The following TBC1D19 variants were observed in gnomAD, a reference collection of about 807,000 sequenced individuals.
TBC1D19 encodes TBC1 domain family, member 19.
Under a neutral mutation model 89.0 loss-of-function variants are expected in TBC1D19, and 60 were observed. The observed-to-expected ratio is 0.67, with a 90% CI of 0.55 to 0.84. The LOEUF (loss-of-function observed/expected upper bound fraction) is 0.84, where lower values mean the gene tolerates loss of function less well. Among genes scored for constraint, TBC1D19 ranks in the 40% least tolerant of loss-of-function variants. TBC1D19 has a pLI of 0.00. For synonymous variants in TBC1D19, 189 were observed against 199.7 expected (o/e 0.95, Z 0.45); for missense variants, 500 against 610.8 (o/e 0.82, Z 1.91).
At chr4:26,766,420 C>T in the TBC1D19 span, among the ~76,000 whole-genome samples, 1 of 152,146 alleles carries the variant, frequency 6.6e-6, no homozygotes, top group African/African-American at 2.4e-5. Context: ...AGGAACAATA[C>T]CTTGGTTGAC....
chr4:26,592,540 A>G (rs1275670271), intron 1 of TBC1D19, among the ~76,000 whole-genome samples: 10 of 152,148 alleles, frequency 6.6e-5, no homozygotes, highest in African/African-American at 2.4e-5. Context: ...AAAAGAGGAA[A>G]TCAAATTGTC....
At chr4:26,606,735 T>A (rs2109999009) in intron 1 of TBC1D19, among the ~76,000 whole-genome samples, 1 of 152,278 alleles carries the variant, frequency 6.6e-6, no homozygotes, top group East Asian at 1.9e-4. Flanking sequence ...TACAGTTCCA[T>A]GGGGCATAGA....
chr4:26,774,864 A>G, the TBC1D19 span, among the ~76,000 whole-genome samples: 1 of 152,208 alleles, frequency 6.6e-6, no homozygotes, highest in Non-Finnish European at 1.5e-5. Flanking sequence ...ATCCCTCACA[A>G]GTTCTTAATC....
At chr4:26,614,280 T>A in intron 2 of TBC1D19, 128 bp from the exon 3 acceptor site, 1 of 613,682 alleles carries the variant, frequency 1.6e-6, no homozygotes, top group South Asian at 2.3e-5. Flanking sequence ...ACATAGGGAT[T>A]GGCAGTTGAC....
At chr4:26,844,450 A>C in the TBC1D19 span, among the ~76,000 whole-genome samples, 1 of 152,372 alleles carries the variant, frequency 6.6e-6, no homozygotes, top group South Asian at 2.1e-4. Context: ...TAATTTCATA[A>C]GTCCCAAAAC....
intron 10 of TBC1D19, among the ~76,000 whole-genome samples, chr4:26,672,585 A>G (rs902563791): frequency 6.6e-6 from 1 of 152,044 alleles, no homozygotes; most frequent in African/African-American, 2.4e-5. Flanking sequence ...ATATAACTGT[A>G]ATGGTTCCCA....
the TBC1D19 span, among the ~76,000 whole-genome samples, chr4:26,842,486 C>A: frequency 6.6e-6 from 1 of 151,294 alleles, no homozygotes; most frequent in South Asian, 2.1e-4. Flanking sequence ...TATAGGCATG[C>A]ACCACCACAC....
chr4:26,704,505 G>A lies in TBC1D19; in HGVS notation c.955-13428G>A, dbSNP rs573827137. ...GTGACATAGTTATAGATATTTTAAC[G>A]CTATTGAATGGAGTTAAAAAGGTCC... On this transcript the variant is annotated intron_variant, in intron 13 of 20. Transcript: ENST00000264866. Among the ~76,000 whole-genome samples, 32 of 152,132 alleles carry A rather than the reference G, an allele frequency of 2.1e-4. 1 individual carries two copies. Among genetic ancestry groups the A allele is most frequent in the African/African-American group, 5.8e-4 (24 of 41,520 alleles).
the TBC1D19 span, among the ~76,000 whole-genome samples, chr4:26,822,398 G>C: frequency 6.6e-6 from 1 of 152,194 alleles, no homozygotes; most frequent in Admixed American, 6.5e-5. Context: ...ACACGACTTT[G>C]AACCCACTTC....
chr4:26,656,023 C>T (rs987693486), intron 7 of TBC1D19, among the ~76,000 whole-genome samples: 1 of 152,014 alleles, frequency 6.6e-6, no homozygotes. Flanking sequence ...CCACCCCCTC[C>T]ACTAGATTCC....
upstream of TBC1D19, among the ~76,000 whole-genome samples, chr4:26,579,712 A>C (rs1577737198): frequency 3.0e-5 from 4 of 132,782 alleles, no homozygotes; most frequent in African/African-American, 1.2e-4. Flanking sequence ...AGCTGTGTCC[A>C]TGTGTTCTCA....
At chr4:26,622,678 GAC>G (rs1742136502) in intron 4 of TBC1D19, among the ~76,000 whole-genome samples, 1 of 152,078 alleles carries the variant, frequency 6.6e-6, no homozygotes, top group African/African-American at 2.4e-5. Flanking sequence ...ATAATCTTGT[GAC>G]ACATGAAAAC....
At chr4:26,627,344 A>G (rs1464445959) in intron 4 of TBC1D19, among the ~76,000 whole-genome samples, 1 of 152,182 alleles carries the variant, frequency 6.6e-6, no homozygotes, top group Non-Finnish European at 1.5e-5. Flanking sequence ...GTGGCGCAAT[A>G]AACATATGTG....
At chr4:26,732,215 C>T (rs189921845) in intron 15 of TBC1D19, among the ~76,000 whole-genome samples, 3 of 152,260 alleles carry the variant, frequency 2.0e-5, no homozygotes, top group Admixed American at 6.5e-5. Flanking sequence ...CACCACTATC[C>T]GGCTGAAGAC....
At chr4:26,684,790 C>A (rs1468988820) in intron 12 of TBC1D19, among the ~76,000 whole-genome samples, 1 of 151,960 alleles carries the variant, frequency 6.6e-6, no homozygotes, top group African/African-American at 2.4e-5. Flanking sequence ...AGAACATGGC[C>A]AGGGGTAATA....
At chr4:26,799,217 G>T in the TBC1D19 span, among the ~76,000 whole-genome samples, 1 of 152,036 alleles carries the variant, frequency 6.6e-6, no homozygotes, top group Non-Finnish European at 1.5e-5. Flanking sequence ...TGGTATTGGG[G>T]CCTATAGTCC....
the TBC1D19 span, among the ~76,000 whole-genome samples, chr4:26,784,551 G>A: frequency 6.6e-6 from 1 of 152,190 alleles, no homozygotes; most frequent in Non-Finnish European, 1.5e-5. Flanking sequence ...CTGGGCTGGT[G>A]AAACACTGGG....
chr4:26,607,795 C>T (rs931197703), intron 1 of TBC1D19, among the ~76,000 whole-genome samples: 1 of 152,164 alleles, frequency 6.6e-6, no homozygotes, highest in Admixed American at 6.5e-5. Context: ...TATCTTTTGT[C>T]GTGTGTTTGG....
chr4:26,803,128 A>T, the TBC1D19 span, among the ~76,000 whole-genome samples: 2 of 152,238 alleles, frequency 1.3e-5, no homozygotes, highest in African/African-American at 4.8e-5. Flanking sequence ...CATCCCTAAC[A>T]GTGCAGTACT....
Sources: gnomAD v4.1 joint callset for allele counts (sites outside exome capture counted in the v4.1 genomes callset) on GRCh38, gnomAD v4.1.1 for gene constraint, MANE v1.5 for transcripts, NCBI Gene and HGNC (gene_info 2026-07-23, HGNC 2026-07-21) for gene names.